Variants in CAMKMT observed in about 807,000 individuals in gnomAD.
The protein encoded by CAMKMT is CaM KMT.
A neutral mutation model predicts 48.0 loss-of-function variants in CAMKMT; 53 were observed. The observed-to-expected ratio is 1.10, with a 90% CI of 0.89 to 1.39. CAMKMT has a LOEUF of 1.39. CAMKMT is among the 40% of genes most tolerant of loss of function. The probability of loss-of-function intolerance (pLI) is 0.00; values close to 1 mark genes in which losing one functional copy is unlikely to be tolerated. For missense variants in CAMKMT, 428 were observed against 402.7 expected (o/e 1.06, Z -0.54); for synonymous variants, 165 against 152.3 (o/e 1.08, Z -0.61).
At chr2:44,608,417 C>G (rs571974135) in intron 3 of CAMKMT, among the ~76,000 whole-genome samples, 120 of 152,074 alleles carry the variant, frequency 7.9e-4, no homozygotes, top group African/African-American at 2.7e-3. Context: ...TTAAAATTGA[C>G]AAATAATAAT....
At chr2:44,749,671 G>T (rs1680072513) in intron 8 of CAMKMT, among the ~76,000 whole-genome samples, 1 of 152,126 alleles carries the variant, frequency 6.6e-6, no homozygotes, top group Non-Finnish European at 1.5e-5. Context: ...GGAAACTGAG[G>T]CTTCACATGA....
intron 3 of CAMKMT, among the ~76,000 whole-genome samples, chr2:44,429,795 G>A (rs1213041430): frequency 2.8e-5 from 3 of 107,232 alleles, no homozygotes; most frequent in East Asian, 2.8e-4. Context: ...GCGACAGAGC[G>A]AGACTCCGTC....
chr2:44,499,170 T>C (rs1669893624), intron 3 of CAMKMT, among the ~76,000 whole-genome samples: 1 of 152,204 alleles, frequency 6.6e-6, no homozygotes, highest in Admixed American at 6.6e-5. Flanking sequence ...TCCTCAAGAA[T>C]AGGCAGATAT....
At chr2:44,571,100 C>T (rs936263263) in intron 3 of CAMKMT, among the ~76,000 whole-genome samples, 5 of 152,138 alleles carry the variant, frequency 3.3e-5, no homozygotes, top group African/African-American at 1.2e-4. Context: ...AAGACACAAA[C>T]CATGTTTAAT....
intron 3 of CAMKMT, among the ~76,000 whole-genome samples, chr2:44,686,118 G>T (rs759767096): frequency 5.3e-5 from 8 of 152,128 alleles, no homozygotes; most frequent in Non-Finnish European, 1.2e-4. Flanking sequence ...CCTTGGCCAG[G>T]CCCAGTGGCT....
intron 7 of CAMKMT, among the ~76,000 whole-genome samples, chr2:44,725,830 G>A (rs915584424): frequency 1.3e-5 from 2 of 151,728 alleles, no homozygotes; most frequent in East Asian, 3.9e-4. Context: ...TCCAAGAGAA[G>A]TTCTATTTCT....
intron 3 of CAMKMT, among the ~76,000 whole-genome samples, chr2:44,577,856 A>G (rs1027066541): frequency 1.3e-5 from 2 of 152,180 alleles, no homozygotes; most frequent in African/African-American, 2.4e-5. Flanking sequence ...ATCTTCTACT[A>G]GTTTTACACC....
At chr2:44,752,136 A>G (rs868326814) in intron 8 of CAMKMT, among the ~76,000 whole-genome samples, 2 of 151,982 alleles carry the variant, frequency 1.3e-5, no homozygotes, top group African/African-American at 2.4e-5. Flanking sequence ...TTTGGGCCCC[A>G]TGGTTTTGGC....
chr2:44,768,600 C>G (rs1680963044), intron 10 of CAMKMT, among the ~76,000 whole-genome samples: 1 of 152,036 alleles, frequency 6.6e-6, no homozygotes, highest in African/African-American at 2.4e-5. Context: ...TCGCCCATCC[C>G]CATGCCCTGC....
chr2:44,722,451 A>C (rs1678523687), intron 7 of CAMKMT, among the ~76,000 whole-genome samples: 1 of 152,156 alleles, frequency 6.6e-6, no homozygotes, highest in Non-Finnish European at 1.5e-5. Context: ...GATTTTAAAT[A>C]GCACTGACAT....
intron 3 of CAMKMT, among the ~76,000 whole-genome samples, chr2:44,478,893 G>A (rs907879846): frequency 6.6e-6 from 1 of 152,004 alleles, no homozygotes; most frequent in Admixed American, 6.5e-5. Context: ...TAGAGACGGG[G>A]TTTCATCATG....
chr2:44,499,846 T>C (rs561610869), intron 3 of CAMKMT, among the ~76,000 whole-genome samples: 51 of 152,178 alleles, frequency 3.4e-4, no homozygotes, highest in Non-Finnish European at 6.9e-4. Context: ...TTCTGAATGG[T>C]TATAGTTCTT....
intron 3 of CAMKMT, among the ~76,000 whole-genome samples, chr2:44,411,806 C>G (rs2104479492): frequency 6.6e-6 from 1 of 151,970 alleles, no homozygotes; most frequent in South Asian, 2.1e-4. Flanking sequence ...AGTCATCATT[C>G]AAGGTAGTCT....
In CAMKMT at chr2:44,524,703, A is replaced by G. The variant is rs181349266; in HGVS notation, c.376+134398A>G. 1.8e-3 allele frequency among the ~76,000 whole-genome samples: 270 copies of G among 152,188 alleles called. 2 individuals are homozygous for G. The highest frequency in any genetic ancestry group is 6.4e-3 in the African/African-American group (264 of 41,530). Reference sequence around the variant, plus strand: ...TTTTTATATCCCTCTGTTAGCCTTTATCTCATTCTGTTGGAATTATTTGTG... The same window carrying G: ...TTTTTATATCCCTCTGTTAGCCTTTGTCTCATTCTGTTGGAATTATTTGTG... On this transcript the variant is annotated intron_variant, in intron 3 of 10. Coordinates refer to ENST00000378494, the MANE Select transcript of CAMKMT (RefSeq NM_024766.5).
chr2:44,669,415 G>A (rs1257226702), intron 3 of CAMKMT, among the ~76,000 whole-genome samples: 1 of 152,130 alleles, frequency 6.6e-6, no homozygotes, highest in African/African-American at 2.4e-5. Flanking sequence ...TAGCACATGT[G>A]TGCAAAAATT....
intron 3 of CAMKMT, among the ~76,000 whole-genome samples, chr2:44,638,678 T>C (rs1361635998): frequency 6.6e-6 from 1 of 152,222 alleles, no homozygotes; most frequent in Admixed American, 6.5e-5. Context: ...TACATGGTAT[T>C]TTGGCCACCT....
chr2:44,516,101 G>C (rs558652112), intron 3 of CAMKMT, among the ~76,000 whole-genome samples: 1 of 152,184 alleles, frequency 6.6e-6, no homozygotes, highest in South Asian at 2.1e-4. Flanking sequence ...ATGTACCAGG[G>C]GTGCTGATGG....
chr2:44,593,946 A>G (rs1229279978), intron 3 of CAMKMT, among the ~76,000 whole-genome samples: 1 of 151,876 alleles, frequency 6.6e-6, no homozygotes, highest in African/African-American at 2.4e-5. Flanking sequence ...TATTTTTAGT[A>G]GGGATGGGGT....
intron 3 of CAMKMT, among the ~76,000 whole-genome samples, chr2:44,429,708 G>T: frequency 6.6e-6 from 1 of 150,808 alleles, no homozygotes; most frequent in Non-Finnish European, 1.5e-5. Context: ...GGCTGAGGCA[G>T]GAGAATGGCG....
Sources: gnomAD v4.1 joint callset for allele counts (sites outside exome capture counted in the v4.1 genomes callset) on GRCh38, gnomAD v4.1.1 for gene constraint, MANE v1.5 for transcripts, NCBI Gene and HGNC (gene_info 2026-07-23, HGNC 2026-07-21) for gene names.